ZCCHC4: variants seen among roughly 807,000 people sequenced by gnomAD.
The protein encoded by ZCCHC4 is zinc finger CCHC-type containing 4.
Under a neutral mutation model 67.7 loss-of-function variants are expected in ZCCHC4, and 54 were observed. The observed-to-expected ratio is 0.80, with a 90% CI of 0.64 to 1.00. The LOEUF is 1.00. Ranked by LOEUF, ZCCHC4 falls within the 50% of genes least tolerant of loss-of-function variation. The pLI is 0.00. For synonymous variants in ZCCHC4, 198 were observed against 213.5 expected, an observed-to-expected ratio of 0.93 and a Z score of 0.63; for missense variants, 609 against 617.0, an observed-to-expected ratio of 0.99 and a Z score of 0.14.
rs767242722 is a variant in ZCCHC4 at position 25,315,379 on chromosome 4, C to G, written c.308C>G (p.Ser103Cys). The G allele has an allele frequency of 9.9e-6, 16 of 1,612,716 alleles. No homozygotes were observed. The highest frequency in any genetic ancestry group is 1.2e-5 in the Non-Finnish European group (14 of 1,179,334). Residue 103 changes from serine (S) to cysteine (C), a missense_variant, in exon 3 of 13, where the codon TCC (serine) becomes TGC (cysteine). Transcript: ENST00000302874. ...AHNRRCQPPL[S>C]RTQCVERYLK... ...AACCGAAGATGTCAGCCTCCCCTGT[C>G]CCGAACGCAGTGTGTGGAAAGGTAC...
chr4:25,338,706 C>T (rs1719588310), intron 5 of ZCCHC4, among the ~76,000 whole-genome samples: 1 of 152,168 alleles, frequency 6.6e-6, no homozygotes, highest in Non-Finnish European at 1.5e-5. Context: ...TTGAGGTTCA[C>T]CCATGTGGTA....
intron 5 of ZCCHC4, among the ~76,000 whole-genome samples, chr4:25,336,881 A>G (rs1489983483): frequency 6.6e-6 from 1 of 152,082 alleles, no homozygotes; most frequent in Non-Finnish European, 1.5e-5. Context: ...CATCATCCTC[A>G]TTTTTCCAGA....
intron 3 of ZCCHC4, among the ~76,000 whole-genome samples, chr4:25,329,531 T>TC (rs1052600015): frequency 1.7e-5 from 2 of 119,044 alleles, no homozygotes; most frequent in African/African-American, 6.0e-5. Flanking sequence ...TTTTATATTT[T>TC]CCTTTTTTTT....
intron 6 of ZCCHC4, among the ~76,000 whole-genome samples, chr4:25,345,957 C>A (rs1719988512): frequency 6.6e-6 from 1 of 152,170 alleles, no homozygotes. Flanking sequence ...TCATCTGGAA[C>A]TGGTCAGACG....
chr4:25,316,840 G>A (rs918083561), intron 3 of ZCCHC4, among the ~76,000 whole-genome samples: 11 of 151,938 alleles, frequency 7.2e-5, no homozygotes, highest in African/African-American at 2.7e-4. Flanking sequence ...AATTTTTTTT[G>A]TTGTTGCTTG....
chr4:25,351,204 G>A (rs575142876), intron 7 of ZCCHC4, among the ~76,000 whole-genome samples: 66 of 152,306 alleles, frequency 4.3e-4, no homozygotes, highest in African/African-American at 1.6e-3. Context: ...TGGCAGAGCT[G>A]GGATTCACAC....
At chr4:25,324,175 ATT>A (rs113889759) in intron 3 of ZCCHC4, among the ~76,000 whole-genome samples, 212 of 142,724 alleles carry the variant, frequency 1.5e-3, no homozygotes, top group Non-Finnish European at 1.5e-3. Flanking sequence ...TGCCTGGCTA[ATT>A]TTTTTTTTTT....
intron 3 of ZCCHC4, among the ~76,000 whole-genome samples, chr4:25,316,938 A>G (rs1718296244): frequency 6.6e-6 from 1 of 152,232 alleles, no homozygotes; most frequent in Non-Finnish European, 1.5e-5. Context: ...TACTAAACCA[A>G]ACTTTAAAAA....
intron 5 of ZCCHC4, among the ~76,000 whole-genome samples, chr4:25,344,676 T>C (rs1024610629): frequency 3.3e-5 from 5 of 151,692 alleles, no homozygotes; most frequent in African/African-American, 1.2e-4. Flanking sequence ...AATAATTCAA[T>C]CAGTAAATAA....
chr4:25,313,342 G>A (rs181134772), intron 1 of ZCCHC4, among the ~76,000 whole-genome samples: 1 of 152,324 alleles, frequency 6.6e-6, no homozygotes, highest in East Asian at 1.9e-4. Flanking sequence ...CTAACTTACA[G>A]AAAGTGGGCG....
At chr4:25,317,757 G>A (rs1428960422) in intron 3 of ZCCHC4, among the ~76,000 whole-genome samples, 1 of 149,588 alleles carries the variant, frequency 6.7e-6, no homozygotes, top group Non-Finnish European at 1.5e-5. Flanking sequence ...ACTACTGTGA[G>A]GTAGGCACTG....
At chr4:25,365,344 C>T in intron 12 of ZCCHC4, 178 bp downstream of exon 12, 2 of 1,401,602 alleles carry the variant, frequency 1.4e-6, no homozygotes, top group Admixed American at 3.0e-5. Context: ...AAAGAGCTTG[C>T]TTTCAAAGAG....
chr4:25,339,844 T>G (rs2109071454), intron 5 of ZCCHC4, among the ~76,000 whole-genome samples: 1 of 152,216 alleles, frequency 6.6e-6, no homozygotes, highest in East Asian at 1.9e-4. Context: ...AATTTTTGCT[T>G]TTACACTTAG....
At chr4:25,320,517 A>T (rs1161793130) in intron 3 of ZCCHC4, among the ~76,000 whole-genome samples, 1 of 152,244 alleles carries the variant, frequency 6.6e-6, no homozygotes, top group Non-Finnish European at 1.5e-5. Flanking sequence ...GCAATTTGTG[A>T]ATCATGCTGA....
chr4:25,367,655 T>C (rs1364404643), intron 12 of ZCCHC4, among the ~76,000 whole-genome samples: 23 of 152,216 alleles, frequency 1.5e-4, no homozygotes, highest in Non-Finnish European at 5.9e-5. Context: ...GATGACTTTT[T>C]TGGTTTTAGT....
chr4:25,337,673 G>C (rs1313285280), intron 5 of ZCCHC4, among the ~76,000 whole-genome samples: 1 of 152,196 alleles, frequency 6.6e-6, no homozygotes, highest in Non-Finnish European at 1.5e-5. Flanking sequence ...CAAAAAACCA[G>C]ATGTCCATAA....
At chr4:25,342,162 T>G (rs1473587841) in intron 5 of ZCCHC4, among the ~76,000 whole-genome samples, 1 of 152,202 alleles carries the variant, frequency 6.6e-6, no homozygotes, top group African/African-American at 2.4e-5. Context: ...GCTGGTTTAT[T>G]GAGACACATA....
intron 5 of ZCCHC4, among the ~76,000 whole-genome samples, chr4:25,337,610 C>A (rs1470601888): frequency 6.6e-6 from 1 of 152,116 alleles, no homozygotes; most frequent in African/African-American, 2.4e-5. Context: ...AGTTGGTTCT[C>A]CACAGGAAAC....
rs139602723 is a variant in ZCCHC4, at chr4:25,331,982, A to G, written c.330-1201A>G. 2.5e-3 allele frequency among the ~76,000 whole-genome samples: 386 copies of G among 152,340 alleles called. 5 individuals are homozygous for G. Among genetic ancestry groups the G allele is most frequent in the Non-Finnish European group, 6.3e-4 (43 of 68,026 alleles). ...ATTACATGTTAAGCTCACAGTTTTT[A>G]CACTGCAGTTCCTGAATTTAGTTCC... On this transcript the variant is annotated intron_variant, in intron 3 of 12. Coordinates refer to ENST00000302874, the MANE Select transcript of ZCCHC4 (RefSeq NM_024936.3).
Sources: allele counts gnomAD v4.1 joint callset (sites outside exome capture counted in the v4.1 genomes callset), GRCh38; gene constraint gnomAD v4.1.1; transcripts MANE v1.5; gene names NCBI Gene and HGNC (gene_info 2026-07-23, HGNC 2026-07-21).